The following SPI1 variants were observed in gnomAD, a reference collection of about 807,000 sequenced individuals.
SPI1 encodes Spi-1 proto-oncogene, also known as transcription factor PU.1.
Under a neutral mutation model 30.7 loss-of-function variants are expected in SPI1, and 3 were observed. That is an observed-to-expected ratio of 0.10 (90% confidence interval 0.04 to 0.25). The LOEUF (loss-of-function observed/expected upper bound fraction) is 0.25. Ranked by LOEUF, SPI1 falls within the 10% of genes least tolerant of loss-of-function variation. The probability of loss-of-function intolerance (pLI) is 1.00; values close to 1 mark genes in which losing one functional copy is unlikely to be tolerated. For synonymous variants in SPI1, 169 were observed against 157.1 expected, an observed-to-expected ratio of 1.08 and a Z score of -0.56; for missense variants, 261 against 371.5, an observed-to-expected ratio of 0.70 and a Z score of 2.45.
Position 47,375,087 on chromosome 11 carries a change from G to T in SPI1, c.142+546C>A, listed in dbSNP as rs1450047479. Among the ~76,000 whole-genome samples, 1 of 152,202 alleles carries T rather than the reference G, an allele frequency of 6.6e-6. No homozygotes were observed. The highest frequency in any genetic ancestry group is 2.4e-5 in the African/African-American group (1 of 41,442). ...TAGGTAGAAGCAAGGATGCCACTAA[G>T]CTTCCTACGGTACCCGGGACAGCCC... On this transcript the variant is annotated intron_variant, in intron 2 of 4. Transcript: ENST00000378538. The surrounding 1 kb of genome is among the most constrained non-coding windows in gnomAD (Gnocchi z 4.2).
chr11:47,365,899 G>A (rs1221368561), intron 2 of SPI1, among the ~76,000 whole-genome samples: 2 of 152,178 alleles, frequency 1.3e-5, no homozygotes, highest in East Asian at 1.9e-4. Context: ...GTTTCACCAT[G>A]TTGGCCAGGC....
In SPI1 at chr11:47,360,003, G is replaced by A. The variant is rs781009883; in HGVS notation, c.180C>T (p.Ser60=). Residue 60 remains serine (S), a synonymous_variant, in exon 3 of 5, where the codon AGC becomes AGT. Coordinates refer to ENST00000378538, the MANE Select transcript of SPI1 (RefSeq NM_003120.3). ...TGTTCTCGGCGAAGCTCTCGAACTC[G>A]CTGTGCACGTGGTGGGGGTGGAAGT... ...YWDFHPHHVH[S]EFESFAENNF... is the part of the protein sequence containing the mutation. 8.1e-6 allele frequency: 13 copies of A among 1,597,618 alleles called. No individual in the cohort carries two copies. The highest frequency in any genetic ancestry group is 4.5e-5 in the East Asian group (2 of 44,532).
At chr11:47,360,823 C>CA (rs771338982) in intron 2 of SPI1, among the ~76,000 whole-genome samples, 2,482 of 100,168 alleles carry the variant, frequency 0.025, 61 homozygotes, top group African/African-American at 0.076. Context: ...GACTCTGCCT[C>CA]AAAAAAAAAA....
intron 2 of SPI1, among the ~76,000 whole-genome samples, chr11:47,363,259 G>A (rs1393182660): frequency 6.6e-6 from 1 of 152,184 alleles, no homozygotes; most frequent in Non-Finnish European, 1.5e-5. Flanking sequence ...AGTGGCTCAC[G>A]CCTGTAATCC....
At chr11:47,356,495 C>G (rs578108998) in intron 4 of SPI1, among the ~76,000 whole-genome samples, 1 of 137,080 alleles carries the variant, frequency 7.3e-6, no homozygotes, top group African/African-American at 2.9e-5. Context: ...AATGCACCTT[C>G]TCACACTCAT....
chr11:47,360,080 T>G (rs1459512408), intron 2 of SPI1, 40 bp from the exon 3 acceptor site: 1 of 1,474,564 alleles, frequency 6.8e-7, no homozygotes. Context: ...GAGCTCAGGG[T>G]TGGGCAGGGC....
chr11:47,367,267 T>C (rs1342386283), intron 2 of SPI1, among the ~76,000 whole-genome samples: 2 of 151,976 alleles, frequency 1.3e-5, no homozygotes, highest in African/African-American at 2.4e-5. Flanking sequence ...ATCAATCCTA[T>C]TGTAGGCCAA....
chr11:47,369,941 C>G (rs1371747568), intron 2 of SPI1, among the ~76,000 whole-genome samples: 1 of 152,212 alleles, frequency 6.6e-6, no homozygotes, highest in African/African-American at 2.4e-5. Flanking sequence ...TCGTTCAGTC[C>G]TTACAGCCAT....
At chr11:47,364,181 C>T (rs539253726) in intron 2 of SPI1, among the ~76,000 whole-genome samples, 233 of 151,560 alleles carry the variant, frequency 1.5e-3, no homozygotes, top group South Asian at 3.8e-3. Context: ...TCCCGAGTAG[C>T]TGGGACTACA....
At chr11:47,366,940 T>C (rs754880895) in intron 2 of SPI1, among the ~76,000 whole-genome samples, 4 of 152,242 alleles carry the variant, frequency 2.6e-5, no homozygotes, top group Non-Finnish European at 5.9e-5. Context: ...TTTAATTCTT[T>C]TCCTTGTTAC....
Position 47,375,838 on chromosome 11 carries a change from C to A in SPI1, c.46-109G>T. ...ATCACCTTCCCTGGCTCAGTGGCTG[C>A]GTTGGACCTACAGCCCTCCCTCTGC... On this transcript the variant is annotated intron_variant, in intron 1 of 4. Transcript: ENST00000378538. This position sits in a 1 kb window ranked among gnomAD's most constrained non-coding sequence, Gnocchi z 4.2. 1.2e-6 allele frequency: 1 copy of A among 867,768 alleles called. No homozygotes were observed. The allele number at this position is 867,768 out of a possible 1,614,324, so 53.8% of individuals were successfully genotyped here.
At position 47,375,591 on chromosome 11, in the gene SPI1, G is replaced by T; in HGVS notation, c.142+42C>A. 1 of 1,477,338 alleles carries T rather than the reference G, an allele frequency of 6.8e-7. No homozygotes were observed. The highest frequency in any genetic ancestry group is 9.5e-7 in the Non-Finnish European group (1 of 1,055,562). 91.5% of individuals were successfully genotyped at this position (1,477,338 alleles called of 1,614,324 possible). On this transcript the variant is annotated intron_variant, in intron 2 of 4. Transcript: ENST00000378538. This position sits in a 1 kb window ranked among gnomAD's most constrained non-coding sequence, Gnocchi z 4.2. ...TCTCTCTCCAGACCCCAGGAGCCCA[G>T]GCTGGGCTGGGGGATGGGGGCGTGG...
intron 2 of SPI1, among the ~76,000 whole-genome samples, chr11:47,364,949 A>G (rs115075147): frequency 1.4e-3 from 209 of 152,286 alleles, no homozygotes; most frequent in African/African-American, 4.9e-3. Flanking sequence ...GAAGGCTGCA[A>G]CTGAGACTCC....
Position 47,355,287 on chromosome 11 carries a change from C to T in SPI1, c.753G>A (p.Gln251=). 4.4e-6 allele frequency: 7 copies of T among 1,592,668 alleles called. No individual in the cohort carries two copies. Among genetic ancestry groups the T allele is most frequent in the Non-Finnish European group, 6.0e-6 (7 of 1,170,692 alleles). ...CGCGGCCCAGCACTTCGCCGCTGAACTGGTAGGTGAGCTTCTTCTTCACCT... is the reference window on the plus strand; with the variant it reads ...CGCGGCCCAGCACTTCGCCGCTGAATTGGTAGGTGAGCTTCTTCTTCACCT... ...VKKVKKKLTY[Q]FSGEVLGRGG... The change falls in exon 5 of 5, where the codon CAG becomes CAA. Residue 251 remains glutamine (Q), a synonymous_variant. Transcript: ENST00000378538.
intron 2 of SPI1, among the ~76,000 whole-genome samples, chr11:47,369,412 A>G (rs1051326111): frequency 6.6e-6 from 1 of 152,064 alleles, no homozygotes; most frequent in African/African-American, 2.4e-5. Flanking sequence ...AGTTTCCTCA[A>G]TGTTCTTTTT....
rs1049269371 is a variant in SPI1 at position 47,378,257 on chromosome 11, G to T, written c.45+52C>A. The stretch of plus-strand genomic sequence containing the variant: ...GGCTGGCGGGTTCGTGGGCAGGCAG[G>T]CAGGCGTCCGAGGGCCACGGGTTGG... On this transcript the variant is annotated intron_variant, in intron 1 of 4. Coordinates refer to ENST00000378538, the MANE Select transcript of SPI1 (RefSeq NM_003120.3). 6 of 1,586,888 alleles carry T rather than the reference G, an allele frequency of 3.8e-6. No homozygotes were observed. The East Asian group carries it at 1.1e-4, about 30-fold the overall frequency.
chr11:47,359,743 G>C lies in SPI1; in HGVS notation c.330+110C>G. The C allele has an allele frequency of 7.8e-7, 1 of 1,280,290 alleles. No homozygotes were observed. Among genetic ancestry groups the C allele is most frequent in the Non-Finnish European group, 1.1e-6 (1 of 921,906 alleles). The allele number at this position is 1,280,290 out of a possible 1,614,324, so 79.3% of individuals were successfully genotyped here. A position where few individuals can be genotyped will look rare whatever the true frequency, so the allele number is the denominator to read the frequency against. On this transcript the variant is annotated intron_variant, in intron 3 of 4. Coordinates refer to ENST00000378538, the MANE Select transcript of SPI1 (RefSeq NM_003120.3). The surrounding 1 kb of genome is among the most constrained non-coding windows in gnomAD (Gnocchi z 5.1). ...AGCTCCAGCCGCCGTTGGCACTGTG[G>C]GGCAGGAAGCTGAGTTGGGTAAGAG...
chr11:47,359,708 C>T lies in SPI1; in HGVS notation c.330+145G>A. The T allele has an allele frequency of 1.2e-6, 1 of 834,642 alleles. No homozygotes were observed. The highest frequency in any genetic ancestry group is 2.5e-5 in the Admixed American group (1 of 39,416). The allele number at this position is 834,642 out of a possible 1,614,324, so 51.7% of individuals were successfully genotyped here. On this transcript the variant is annotated intron_variant, in intron 3 of 4. Transcript: ENST00000378538. This position sits in a 1 kb window ranked among gnomAD's most constrained non-coding sequence, Gnocchi z 5.1. ...TGAGGTCACTTGGGGGGTCAGGCGG[C>T]AGCCGTTGGAGCTCCAGCCGCCGTT...
At chr11:47,358,744 A>T in intron 4 of SPI1, 100 bp downstream of exon 4, 1 of 1,193,424 alleles carries the variant, frequency 8.4e-7, no homozygotes, top group Non-Finnish European at 1.2e-6. Flanking sequence ...CACACACGCG[A>T]CTCGGTGGCG....
Sources: allele counts gnomAD v4.1 joint callset (sites outside exome capture counted in the v4.1 genomes callset), GRCh38; gene constraint gnomAD v4.1.1; non-coding constraint Gnocchi (gnomAD v3.1); transcripts MANE v1.5; gene names NCBI Gene and HGNC (gene_info 2026-07-23, HGNC 2026-07-21).